The following ATRNL1 variants were observed in gnomAD, a reference collection of about 807,000 sequenced individuals.
The protein encoded by ATRNL1 is attractin like 1, also known as attractin-like protein 1.
In ATRNL1, 95 loss-of-function variants were observed where a neutral mutation model predicts 182.7. The ratio of observed to expected loss-of-function variants is 0.52; its 90% confidence interval spans 0.44 to 0.62. The LOEUF (loss-of-function observed/expected upper bound fraction) is 0.62, where lower values mean the gene tolerates loss of function less well. Ranked by LOEUF, ATRNL1 falls within the 20% of genes least tolerant of loss-of-function variation. ATRNL1 has a pLI of 0.00. For missense variants in ATRNL1, 1,471 were observed against 1,679.5 expected (o/e 0.88, Z 2.17); for synonymous variants, 576 against 568.3 (o/e 1.01, Z -0.19).
At chr10:115,239,294 G>A (rs1206699652) in intron 9 of ATRNL1, among the ~76,000 whole-genome samples, 1 of 152,072 alleles carries the variant, frequency 6.6e-6, no homozygotes, top group African/African-American at 2.4e-5. Context: ...GTGCAGTGGT[G>A]CGATCTCAGC....
chr10:115,399,739 G>A (rs974286299), intron 20 of ATRNL1, among the ~76,000 whole-genome samples: 41 of 151,844 alleles, frequency 2.7e-4, no homozygotes, highest in African/African-American at 9.2e-4. Flanking sequence ...TCTTGGTTCT[G>A]TAGTTCTTTT....
At chr10:115,428,528 C>G (rs1168804765) in intron 21 of ATRNL1, among the ~76,000 whole-genome samples, 1 of 151,982 alleles carries the variant, frequency 6.6e-6, no homozygotes, top group African/African-American at 2.4e-5. Context: ...TTTTTGCTAA[C>G]TGCCTTTATC....
At chr10:115,405,923 A>G (rs1324877304) in intron 20 of ATRNL1, among the ~76,000 whole-genome samples, 4 of 141,306 alleles carry the variant, frequency 2.8e-5, no homozygotes, top group African/African-American at 1.1e-4. Flanking sequence ...GTTCCCACCT[A>G]TGAGTGAGAA....
chr10:115,612,695 A>G (rs1857227541), intron 26 of ATRNL1, among the ~76,000 whole-genome samples: 1 of 152,214 alleles, frequency 6.6e-6, no homozygotes, highest in South Asian at 2.1e-4. Flanking sequence ...AGTCCTTGGC[A>G]AAAGTTCTTT....
chr10:115,111,480 T>C (rs1176683669), intron 1 of ATRNL1, among the ~76,000 whole-genome samples: 2 of 152,210 alleles, frequency 1.3e-5, no homozygotes, highest in African/African-American at 4.8e-5. Flanking sequence ...AGGCTGCGTC[T>C]ACTCATGGCA....
intron 26 of ATRNL1, among the ~76,000 whole-genome samples, chr10:115,691,454 G>A (rs1946391074): frequency 6.6e-6 from 1 of 152,178 alleles, no homozygotes; most frequent in Admixed American, 6.5e-5. Flanking sequence ...AGGCGTGATG[G>A]CTCACGCCTG....
chr10:115,344,909 A>G (rs1554939297), intron 19 of ATRNL1, among the ~76,000 whole-genome samples: 4 of 152,124 alleles, frequency 2.6e-5, no homozygotes. Context: ...CTGGCCCAGT[A>G]TGTGTCTAGA....
At chr10:115,474,250 C>T (rs1848433856) in intron 24 of ATRNL1, among the ~76,000 whole-genome samples, 1 of 151,306 alleles carries the variant, frequency 6.6e-6, no homozygotes. Context: ...GTTGGTAGTA[C>T]TTTTCTTTTA....
intron 8 of ATRNL1, among the ~76,000 whole-genome samples, chr10:115,207,675 G>A (rs1848852443): frequency 6.6e-6 from 1 of 151,320 alleles, no homozygotes; most frequent in Non-Finnish European, 1.5e-5. Context: ...TCCTCCCCTT[G>A]CCCCCCCACA....
At chr10:115,755,598 G>A (rs193139436) in intron 27 of ATRNL1, among the ~76,000 whole-genome samples, 54 of 152,166 alleles carry the variant, frequency 3.5e-4, no homozygotes, top group African/African-American at 1.3e-3. Flanking sequence ...TTTTTGCATC[G>A]ATGTTCATTA....
chr10:115,468,672 A>G (rs568217485), intron 23 of ATRNL1, among the ~76,000 whole-genome samples: 3 of 150,956 alleles, frequency 2.0e-5, no homozygotes, highest in Admixed American at 1.3e-4. Context: ...AATTTGTGGT[A>G]AGACAAATAA....
intron 26 of ATRNL1, among the ~76,000 whole-genome samples, chr10:115,685,309 C>T (rs1946180862): frequency 6.6e-6 from 1 of 151,632 alleles, no homozygotes; most frequent in Non-Finnish European, 1.5e-5. Context: ...ATCAACTCTG[C>T]CATGTACTAC....
At chr10:115,936,071 G>A (rs950864555) in intron 28 of ATRNL1, among the ~76,000 whole-genome samples, 5 of 152,138 alleles carry the variant, frequency 3.3e-5, no homozygotes, top group Middle Eastern at 3.2e-3. Flanking sequence ...TCCTTACACG[G>A]CATTTCAACC....
chr10:115,753,699 G>A (rs1948511161), intron 27 of ATRNL1, among the ~76,000 whole-genome samples: 1 of 152,156 alleles, frequency 6.6e-6, no homozygotes, highest in African/African-American at 2.4e-5. Context: ...CCAGTAATGG[G>A]ATTGCTGGGT....
chr10:115,910,410 C>T (rs1442021780), intron 28 of ATRNL1, among the ~76,000 whole-genome samples: 4 of 152,094 alleles, frequency 2.6e-5, no homozygotes, highest in African/African-American at 9.7e-5. Context: ...CCTTCTGGGA[C>T]CCAGGCCATG....
At chr10:115,880,298 A>G (rs1951797541) in intron 28 of ATRNL1, among the ~76,000 whole-genome samples, 1 of 152,192 alleles carries the variant, frequency 6.6e-6, no homozygotes. Flanking sequence ...AAAGTGAAGG[A>G]ATCCCAGGCT....
rs1425949215 is a variant in ATRNL1, at chr10:115,220,733, G to T, written c.1532+4853G>T. On this transcript the variant is annotated intron_variant, in intron 9 of 28. Transcript: ENST00000355044. ...ATGGTAAATAAAATAATGGGGGGGG[G>T]GGGGCGGGGTCAGGCAGTGCCCGCA... 4.2e-5 allele frequency among the ~76,000 whole-genome samples: 4 copies of T among 94,294 alleles called. 1 individual carries two copies. Among genetic ancestry groups the T allele is most frequent in the Non-Finnish European group, 8.6e-5 (4 of 46,340 alleles). 61.9% of individuals were successfully genotyped at this position (94,294 alleles called of 152,430 possible). A position where few individuals can be genotyped will look rare whatever the true frequency, so the allele number is the denominator to read the frequency against.
At chr10:115,122,665 C>T (rs1564751289) in intron 3 of ATRNL1, among the ~76,000 whole-genome samples, 1 of 151,926 alleles carries the variant, frequency 6.6e-6, no homozygotes, top group Admixed American at 6.5e-5. Context: ...TATTCTAATA[C>T]ATTTTATTTT....
rs1397996909 is a variant in ATRNL1 at position 115,215,646 on chromosome 10, A to T, written c.1349-51A>T. 19 of 1,373,666 alleles carry T rather than the reference A, an allele frequency of 1.4e-5. No individual in the cohort carries two copies. In the Admixed American group the frequency reaches 4.9e-4, roughly 36 times the overall value. The allele number at this position is 1,373,666 out of a possible 1,614,324, so 85.1% of individuals were successfully genotyped here. ...TTGGTATTTTGGTGATATATTAGTT[A>T]TATTTAAAAATACTACTTGAAATTT... On this transcript the variant is annotated intron_variant, in intron 8 of 28. Coordinates refer to ENST00000355044, the MANE Select transcript of ATRNL1 (RefSeq NM_207303.4).
Sources: gnomAD v4.1 joint callset for allele counts (sites outside exome capture counted in the v4.1 genomes callset) on GRCh38, gnomAD v4.1.1 for gene constraint, MANE v1.5 for transcripts, NCBI Gene and HGNC (gene_info 2026-07-23, HGNC 2026-07-21) for gene names.